The following ACTR3C variants were observed in gnomAD, a reference collection of about 807,000 sequenced individuals.
ACTR3C encodes actin related protein 3C.
Under a neutral mutation model 26.3 loss-of-function variants are expected in ACTR3C, and 18 were observed. That is an observed-to-expected ratio of 0.68 (90% confidence interval 0.47 to 1.01). ACTR3C has a LOEUF of 1.01. Ranked by LOEUF, ACTR3C falls within the 50% of genes least tolerant of loss-of-function variation. The probability of loss-of-function intolerance (pLI) is 0.00; values close to 1 mark genes in which losing one functional copy is unlikely to be tolerated. For synonymous variants in ACTR3C, 55 were observed against 94.5 expected (o/e 0.58, Z 2.42); for missense variants, 184 against 250.7 (o/e 0.73, Z 1.80).
the ACTR3C span, among the ~76,000 whole-genome samples, chr7:150,195,770 T>C: frequency 1.3e-5 from 2 of 152,170 alleles, no homozygotes; most frequent in South Asian, 2.1e-4. Context: ...TAGCAGCTAC[T>C]TGGGAGGCTG....
At chr7:150,151,905 G>A in the ACTR3C span, among the ~76,000 whole-genome samples, 1 of 138,086 alleles carries the variant, frequency 7.2e-6, no homozygotes, top group Non-Finnish European at 1.6e-5. Flanking sequence ...TTCCTCACCA[G>A]GCACTCTGAT....
chr7:150,118,395 C>T, the ACTR3C span, among the ~76,000 whole-genome samples: 8 of 151,554 alleles, frequency 5.3e-5, no homozygotes, highest in Non-Finnish European at 1.5e-5. Context: ...CATAAATGAC[C>T]TGATGGAGCT....
the ACTR3C span, among the ~76,000 whole-genome samples, chr7:150,133,999 A>G: frequency 2.6e-5 from 4 of 152,076 alleles, no homozygotes; most frequent in Admixed American, 6.5e-5. Flanking sequence ...CAGCCTCCCA[A>G]AGTGCTGGGA....
the ACTR3C span, among the ~76,000 whole-genome samples, chr7:150,169,322 G>A: frequency 1.4e-4 from 21 of 147,888 alleles, no homozygotes; most frequent in East Asian, 9.9e-4. Flanking sequence ...GGCAGAGCTT[G>A]TAGTGAGCCA....
chr7:150,008,405 C>T, the ACTR3C span, among the ~76,000 whole-genome samples: 1 of 152,312 alleles, frequency 6.6e-6, no homozygotes, highest in South Asian at 2.1e-4. Flanking sequence ...CGGAGCCGCA[C>T]GTGGCTCCAG....
chr7:149,917,685 G>A, the ACTR3C span, among the ~76,000 whole-genome samples: 7 of 133,020 alleles, frequency 5.3e-5, no homozygotes, highest in Non-Finnish European at 9.3e-5. Context: ...CACCCAGGCT[G>A]GAGTGCAGTG....
At chr7:150,156,544 G>A in the ACTR3C span, among the ~76,000 whole-genome samples, 86 of 151,544 alleles carry the variant, frequency 5.7e-4, no homozygotes, top group African/African-American at 2.1e-3. Context: ...CTTATTGAGA[G>A]AGAGAGAGAG....
At chr7:149,920,694 T>C in the ACTR3C span, among the ~76,000 whole-genome samples, 1 of 148,754 alleles carries the variant, frequency 6.7e-6, no homozygotes, top group Non-Finnish European at 1.5e-5. Flanking sequence ...GATTTTATTT[T>C]TTCCATTATA....
At chr7:150,206,652 C>T in the ACTR3C span, among the ~76,000 whole-genome samples, 8 of 151,892 alleles carry the variant, frequency 5.3e-5, no homozygotes, top group Admixed American at 6.6e-5. Context: ...AAATTCCTGA[C>T]CTCAGGTGAT....
chr7:150,096,326 G>A, the ACTR3C span, among the ~76,000 whole-genome samples: 237 of 151,230 alleles, frequency 1.6e-3, 4 homozygotes, highest in Middle Eastern at 6.8e-3. Context: ...TTCCTGACAC[G>A]AAGTGATTAC....
At chr7:150,048,585 G>A in the ACTR3C span, among the ~76,000 whole-genome samples, 1 of 151,928 alleles carries the variant, frequency 6.6e-6, no homozygotes, top group South Asian at 2.1e-4. Context: ...AAGGGGATGC[G>A]GAGGTCGAGG....
the ACTR3C span, among the ~76,000 whole-genome samples, chr7:150,165,121 C>T: frequency 2.0e-5 from 3 of 152,240 alleles, no homozygotes; most frequent in Admixed American, 6.5e-5. Context: ...TGCTCCTGAC[C>T]GAAACTTTCT....
the ACTR3C span, among the ~76,000 whole-genome samples, chr7:150,037,004 G>C: frequency 1.2e-5 from 1 of 85,802 alleles, no homozygotes; most frequent in Non-Finnish European, 2.7e-5. Flanking sequence ...CCGCCCCCCT[G>C]CGATGGGGGT....
At chr7:150,318,398 T>C (rs1159770088) in intron 1 of ACTR3C, among the ~76,000 whole-genome samples, 1 of 152,162 alleles carries the variant, frequency 6.6e-6, no homozygotes, top group African/African-American at 2.4e-5. Context: ...ACATTTCTGT[T>C]GTTTTAGGCT....
the ACTR3C span, among the ~76,000 whole-genome samples, chr7:149,996,238 G>A: frequency 0.018 from 2,632 of 149,986 alleles, 3 homozygotes; most frequent in African/African-American, 0.064. Context: ...TAAAGGAGGG[G>A]AGGGAGGAGA....
the ACTR3C span, among the ~76,000 whole-genome samples, chr7:150,113,941 C>A: frequency 6.6e-6 from 1 of 152,006 alleles, no homozygotes; most frequent in Non-Finnish European, 1.5e-5. Context: ...ACTTCTGGGG[C>A]CATCTCGGTG....
rs542667563 is a variant in ACTR3C at position 150,315,827 on chromosome 7, A to G, written c.-52+7642T>C. Among the ~76,000 whole-genome samples, 679 of 141,224 alleles carry G rather than the reference A, an allele frequency of 4.8e-3. 1 individual carries two copies. The highest frequency in any genetic ancestry group is 7.8e-3 in the Non-Finnish European group (497 of 63,394). The allele number at this position is 141,224 out of a possible 152,430, so 92.6% of individuals were successfully genotyped here. A position where few individuals can be genotyped will look rare whatever the true frequency, so the allele number is the denominator to read the frequency against. On this transcript the variant is annotated intron_variant, in intron 1 of 7. Coordinates refer to ENST00000683684, the MANE Select transcript of ACTR3C (RefSeq NM_001164458.2). Reference sequence around the variant, plus strand: ...CACAGACACAAACACTCCCAACACTATACTTTTTTTTTTTTCACTTAACGA... The same window carrying G: ...CACAGACACAAACACTCCCAACACTGTACTTTTTTTTTTTTCACTTAACGA...
At chr7:150,015,883 T>C in the ACTR3C span, among the ~76,000 whole-genome samples, 1 of 152,198 alleles carries the variant, frequency 6.6e-6, no homozygotes, top group Non-Finnish European at 1.5e-5. Context: ...TGTCTGTTGT[T>C]TTAGCATCAT....
the ACTR3C span, among the ~76,000 whole-genome samples, chr7:150,131,227 T>C: frequency 5.3e-5 from 8 of 151,806 alleles, no homozygotes; most frequent in African/African-American, 1.7e-4. Flanking sequence ...AGGAAAACAA[T>C]CTCAGGGGAA....
Sources: gnomAD v4.1 joint callset for allele counts (sites outside exome capture counted in the v4.1 genomes callset) on GRCh38, gnomAD v4.1.1 for gene constraint, MANE v1.5 for transcripts, NCBI Gene and HGNC (gene_info 2026-07-23, HGNC 2026-07-21) for gene names.